The following CERT1 variants were observed in gnomAD, a reference collection of about 807,000 sequenced individuals.
CERT1 encodes ceramide transfer protein.
Under a neutral mutation model 87.9 loss-of-function variants are expected in CERT1, and 31 were observed. That is an observed-to-expected ratio of 0.35 (90% CI 0.27 to 0.48). The LOEUF (loss-of-function observed/expected upper bound fraction) is 0.48. CERT1 is among the 20% of genes least tolerant of loss of function. The pLI, the probability that CERT1 is intolerant of heterozygous loss-of-function variation, is 0.99. For synonymous variants in CERT1, 289 were observed against 250.9 expected (o/e 1.15, Z -1.44); for missense variants, 487 against 758.0 (o/e 0.64, Z 4.20).
intron 11 of CERT1, among the ~76,000 whole-genome samples, chr5:75,393,602 T>TAA (rs60898983): frequency 0.21 from 6,967 of 32,678 alleles, 1,232 homozygotes; most frequent in African/African-American, 0.34. Flanking sequence ...CTCATCTACT[T>TAA]AAAAAAAAAA....
intron 2 of CERT1, among the ~76,000 whole-genome samples, chr5:75,466,475 T>C (rs1399246911): frequency 1.3e-5 from 2 of 152,200 alleles, no homozygotes; most frequent in East Asian, 3.8e-4. Context: ...ATACACGAGC[T>C]ATAATCCCCC....
At position 75,395,804 on chromosome 5, in the gene CERT1, C is replaced by T. The variant is rs566634748; in HGVS notation, c.1188+3506G>A. ...GACGGAGGTTGCAGTGAGTTGAGAT[C>T]GTGCCACTGCACTACAGCCTGGGTG... On this transcript the variant is annotated intron_variant, in intron 11 of 16. Transcript: ENST00000643780. Among the ~76,000 whole-genome samples the T allele has an allele frequency of 5.9e-5, 9 of 152,028 alleles. No homozygotes were observed. The South Asian group carries it at 8.3e-4, about 14-fold the overall frequency.
intron 8 of CERT1, among the ~76,000 whole-genome samples, chr5:75,404,385 TACC>T (rs1379593799): frequency 6.8e-6 from 1 of 147,652 alleles, no homozygotes; most frequent in Non-Finnish European, 1.5e-5. Flanking sequence ...AAAGTGAATA[TACC>T]ATCTAATGAC....
intron 2 of CERT1, among the ~76,000 whole-genome samples, chr5:75,501,246 A>G (rs1767356702): frequency 6.6e-6 from 1 of 152,206 alleles, no homozygotes; most frequent in South Asian, 2.1e-4. Flanking sequence ...CCCCTACCTC[A>G]CCAACTTGCC....
At chr5:75,446,547 T>C (rs1420088401) in intron 3 of CERT1, among the ~76,000 whole-genome samples, 1 of 152,208 alleles carries the variant, frequency 6.6e-6, no homozygotes, top group African/African-American at 2.4e-5. Flanking sequence ...AAAGCCACAT[T>C]TTCCTGTTTT....
chr5:75,379,319 A>C lies in CERT1; in HGVS notation c.*27T>G. The C allele has an allele frequency of 6.4e-7, 1 of 1,568,350 alleles. No individual in the cohort carries two copies. Among genetic ancestry groups the C allele is most frequent in the East Asian group, 2.2e-5 (1 of 44,568 alleles). ...AGTCAAATAAAGTTAAAAAAAGATA[A>C]AACATATCTTCTAGTACCTGTTAAT... On this transcript the variant is annotated 3_prime_UTR_variant, in exon 17 of 17. Transcript: ENST00000643780.
intron 7 of CERT1, among the ~76,000 whole-genome samples, chr5:75,415,028 GTA>G (rs199553550): frequency 9.2e-5 from 14 of 151,556 alleles, no homozygotes; most frequent in Admixed American, 2.0e-4. Flanking sequence ...TCTTTAGTGT[GTA>G]TATATACACA....
intron 2 of CERT1, among the ~76,000 whole-genome samples, chr5:75,460,793 T>C (rs1487554209): frequency 6.6e-6 from 1 of 152,218 alleles, no homozygotes; most frequent in Non-Finnish European, 1.5e-5. Flanking sequence ...CAATATAAAC[T>C]AACTCTACCA....
At position 75,385,777 on chromosome 5, in the gene CERT1, T is replaced by TA. The variant is rs1320650921; in HGVS notation, c.1417+124dup. On this transcript the variant is annotated intron_variant, in intron 13 of 16. Coordinates refer to ENST00000643780, the MANE Select transcript of CERT1 (RefSeq NM_001379029.1). Reference sequence around the variant, plus strand: ...CTACATAAATGTATTGCTAGTCCTCTATATGATTTTCCAAATACTTTCTAC... The same window carrying TA: ...CTACATAAATGTATTGCTAGTCCTCTAATATGATTTTCCAAATACTTTCTAC... The TA allele has an allele frequency of 9.4e-6, 6 of 641,070 alleles. No individual in the cohort carries two copies. The Admixed American group carries it at 2.4e-4, about 26-fold the overall frequency. The allele number at this position is 641,070 out of a possible 1,614,324, so 39.7% of individuals were successfully genotyped here.
At chr5:75,409,352 C>T (rs758993551) in intron 8 of CERT1, among the ~76,000 whole-genome samples, 17 of 152,018 alleles carry the variant, frequency 1.1e-4, no homozygotes, top group Non-Finnish European at 2.1e-4. Flanking sequence ...AAATTGATTC[C>T]AATGCAAAAA....
At chr5:75,381,339 T>C in intron 15 of CERT1, 138 bp from the exon 16 acceptor site, 4 of 961,706 alleles carry the variant, frequency 4.2e-6, no homozygotes, top group South Asian at 3.2e-5. Flanking sequence ...CAAGCTGATA[T>C]GACACCAGGA....
intron 2 of CERT1, among the ~76,000 whole-genome samples, chr5:75,482,929 G>C (rs1028823931): frequency 4.0e-5 from 6 of 151,280 alleles, no homozygotes; most frequent in African/African-American, 1.5e-4. Flanking sequence ...GTACAAAGAA[G>C]CCCACACTGC....
intron 3 of CERT1, among the ~76,000 whole-genome samples, chr5:75,436,246 G>T (rs977260143): frequency 6.6e-6 from 1 of 151,976 alleles, no homozygotes; most frequent in African/African-American, 2.4e-5. Flanking sequence ...TGTTAGCCAG[G>T]ATGGTCTCGA....
intron 2 of CERT1, among the ~76,000 whole-genome samples, chr5:75,487,582 G>C (rs1423084396): frequency 6.6e-6 from 1 of 151,954 alleles, no homozygotes; most frequent in Non-Finnish European, 1.5e-5. Flanking sequence ...CATCTGACAA[G>C]GGATTAATAA....
intron 3 of CERT1, among the ~76,000 whole-genome samples, chr5:75,437,777 A>AG (rs1764157265): frequency 6.7e-6 from 1 of 149,718 alleles, no homozygotes; most frequent in East Asian, 1.9e-4. Context: ...TTAAAAAAAA[A>AG]AAAAAAAAAG....
At chr5:75,455,042 C>T (rs945899946) in intron 3 of CERT1, among the ~76,000 whole-genome samples, 6 of 152,122 alleles carry the variant, frequency 3.9e-5, no homozygotes, top group East Asian at 3.8e-4. Flanking sequence ...GGTCTGCTGC[C>T]GGTCTGAACC....
At chr5:75,389,812 A>C (rs895015786) in intron 11 of CERT1, 125 bp from the exon 12 acceptor site, 3 of 683,014 alleles carry the variant, frequency 4.4e-6, no homozygotes, top group South Asian at 3.4e-5. Context: ...CAAATGCACA[A>C]AGGTTAGTAG....
At chr5:75,376,659 T>C (rs1761328317), downstream of CERT1, 2 of 152,334 alleles carry the variant, frequency 1.3e-5, no homozygotes, top group Non-Finnish European at 2.9e-5. Context: ...GCAGTGCACT[T>C]GTGCTTGAAG....
intron 2 of CERT1, among the ~76,000 whole-genome samples, chr5:75,496,972 A>T (rs181281298): frequency 1.3e-5 from 2 of 152,222 alleles, no homozygotes; most frequent in Non-Finnish European, 2.9e-5. Context: ...AAGGCACAAC[A>T]TATCTTTTTT....
Sources: allele counts gnomAD v4.1 joint callset (sites outside exome capture counted in the v4.1 genomes callset), GRCh38; gene constraint gnomAD v4.1.1; transcripts MANE v1.5; gene names NCBI Gene and HGNC (gene_info 2026-07-23, HGNC 2026-07-21).